MKLN1: variants seen among roughly 807,000 people sequenced by gnomAD.
MKLN1 encodes the protein muskelin 1.
In MKLN1, 18 loss-of-function variants were observed where a neutral mutation model predicts 99.0. The ratio of observed to expected loss-of-function variants is 0.18; its 90% confidence interval spans 0.13 to 0.27. The LOEUF (loss-of-function observed/expected upper bound fraction) is 0.27. Among genes scored for constraint, MKLN1 ranks in the 10% least tolerant of loss-of-function variants. MKLN1 has a pLI of 1.00. For synonymous variants in MKLN1, 288 were observed against 293.2 expected, an observed-to-expected ratio of 0.98 and a Z score of 0.18; for missense variants, 621 against 875.9, an observed-to-expected ratio of 0.71 and a Z score of 3.67.
At chr7:131,430,285 A>G (rs369300433) in intron 9 of MKLN1, among the ~76,000 whole-genome samples, 1 of 152,092 alleles carries the variant, frequency 6.6e-6, no homozygotes, top group East Asian at 1.9e-4. Flanking sequence ...GTTAATAAAA[A>G]CTGTCCAGGG....
intron 2 of MKLN1, among the ~76,000 whole-genome samples, chr7:131,158,653 G>T (rs1239244400): frequency 6.6e-6 from 1 of 152,070 alleles, no homozygotes; most frequent in Non-Finnish European, 1.5e-5. Flanking sequence ...TTCTCCCTCA[G>T]GTCAAGTATT....
chr7:131,241,395 A>T (rs1797400163), intron 3 of MKLN1, among the ~76,000 whole-genome samples: 1 of 87,386 alleles, frequency 1.1e-5, no homozygotes, highest in Non-Finnish European at 2.7e-5. Flanking sequence ...AAAAAAGAAA[A>T]AAGAAAAAAA....
intron 2 of MKLN1, among the ~76,000 whole-genome samples, chr7:131,186,313 G>A (rs1796449762): frequency 6.6e-6 from 1 of 152,146 alleles, no homozygotes. Context: ...AGACCAGCCT[G>A]GGCAACATAG....
At chr7:131,184,028 T>C (rs542493650) in intron 2 of MKLN1, among the ~76,000 whole-genome samples, 18 of 152,194 alleles carry the variant, frequency 1.2e-4, no homozygotes, top group African/African-American at 4.3e-4. Context: ...AGTTACTTTT[T>C]TTTTTTAAGC....
chr7:131,477,186 C>A (rs1282954553), intron 16 of MKLN1, among the ~76,000 whole-genome samples: 1 of 151,940 alleles, frequency 6.6e-6, no homozygotes, highest in African/African-American at 2.4e-5. Context: ...CAGTAATCAT[C>A]GAAGAAAAAT....
rs2116718618 is a variant in MKLN1, at chr7:131,489,331, T to G, written c.*1603T>G. The G allele has an allele frequency of 6.6e-6, 1 of 152,274 alleles. No homozygotes were observed. Among genetic ancestry groups the G allele is most frequent in the East Asian group, 1.9e-4 (1 of 5,180 alleles). 9.4% of individuals were successfully genotyped at this position (152,274 alleles called of 1,614,324 possible). On this transcript the variant is annotated 3_prime_UTR_variant, in exon 18 of 18. Transcript: ENST00000352689. The stretch of plus-strand genomic sequence containing the variant: ...TCCCAAAGCAGTCAACAGTGATTTC[T>G]TAAGCAATTTGATCTGTACCTTTAC...
chr7:131,483,241 T>A (rs922914669), intron 17 of MKLN1, among the ~76,000 whole-genome samples: 3 of 152,218 alleles, frequency 2.0e-5, no homozygotes, highest in African/African-American at 7.2e-5. Flanking sequence ...CACCCCTTTT[T>A]AATTTATTTT....
chr7:131,183,496 G>A (rs1447985024), intron 2 of MKLN1, among the ~76,000 whole-genome samples: 2 of 152,138 alleles, frequency 1.3e-5, no homozygotes, highest in East Asian at 1.9e-4. Context: ...CGTAAATCTT[G>A]CCCTCAGGGA....
chr7:131,442,901 G>A (rs1355499707), intron 10 of MKLN1, among the ~76,000 whole-genome samples: 2 of 152,246 alleles, frequency 1.3e-5, no homozygotes, highest in African/African-American at 4.8e-5. Flanking sequence ...AAATTAAATA[G>A]TGCTATGTTA....
chr7:131,169,158 C>A (rs1472426766), intron 2 of MKLN1, among the ~76,000 whole-genome samples: 4 of 152,202 alleles, frequency 2.6e-5, no homozygotes, highest in Admixed American at 6.5e-5. Flanking sequence ...AGCCACCTCG[C>A]CCGGCCAGCC....
intron 12 of MKLN1, among the ~76,000 whole-genome samples, chr7:131,456,340 G>A: frequency 6.6e-6 from 1 of 152,120 alleles, no homozygotes; most frequent in Admixed American, 6.5e-5. Context: ...TTCTGCCAAA[G>A]TAGCAAACTG....
intron 8 of MKLN1, among the ~76,000 whole-genome samples, chr7:131,418,267 G>T (rs1212120980): frequency 6.6e-6 from 1 of 151,752 alleles, no homozygotes; most frequent in African/African-American, 2.4e-5. Context: ...TACTCGGGGG[G>T]CCGAGGCAGG....
At chr7:131,311,433 AT>A (rs1293376511) in intron 3 of MKLN1, among the ~76,000 whole-genome samples, 3 of 152,206 alleles carry the variant, frequency 2.0e-5, no homozygotes, top group Non-Finnish European at 4.4e-5. Flanking sequence ...ACACATTAAA[AT>A]TTTAGGAATC....
chr7:131,360,292 A>G (rs1296133565), intron 1 of MKLN1, among the ~76,000 whole-genome samples: 1 of 152,132 alleles, frequency 6.6e-6, no homozygotes, highest in Non-Finnish European at 1.5e-5. Context: ...ATACAAATTG[A>G]TTGTTGATAT....
intron 3 of MKLN1, among the ~76,000 whole-genome samples, chr7:131,265,706 G>A (rs1057107785): frequency 3.3e-5 from 5 of 152,160 alleles, no homozygotes; most frequent in African/African-American, 1.2e-4. Context: ...GATAGTAATG[G>A]CATTGCTTCA....
intron 2 of MKLN1, among the ~76,000 whole-genome samples, chr7:131,378,140 T>C (rs1584672238): frequency 6.6e-6 from 1 of 152,284 alleles, no homozygotes; most frequent in East Asian, 1.9e-4. Context: ...AGACCGAATT[T>C]TGCTCTTGTC....
chr7:131,272,361 A>C (rs1184816329), intron 3 of MKLN1, among the ~76,000 whole-genome samples: 1 of 152,260 alleles, frequency 6.6e-6, no homozygotes, highest in Non-Finnish European at 1.5e-5. Context: ...CATACAGTAC[A>C]TGCTCAATAA....
chr7:131,130,597 G>C (rs1795534750), intron 1 of MKLN1, among the ~76,000 whole-genome samples: 1 of 152,192 alleles, frequency 6.6e-6, no homozygotes, highest in Admixed American at 6.5e-5. Flanking sequence ...GAAGATGACA[G>C]ACATATTTGT....
intron 1 of MKLN1, among the ~76,000 whole-genome samples, chr7:131,140,970 G>C (rs1795723374): frequency 6.6e-6 from 1 of 152,028 alleles, no homozygotes; most frequent in South Asian, 2.1e-4. Flanking sequence ...ATTTTTAGTA[G>C]AGATGGGGCT....
Sources: allele counts gnomAD v4.1 joint callset (sites outside exome capture counted in the v4.1 genomes callset), GRCh38; gene constraint gnomAD v4.1.1; transcripts MANE v1.5; gene names NCBI Gene and HGNC (gene_info 2026-07-23, HGNC 2026-07-21).